Variants in PRKN observed in about 807,000 individuals in gnomAD.
The protein encoded by PRKN is parkin RBR E3 ubiquitin protein ligase.
In PRKN, 56 loss-of-function variants were observed where a neutral mutation model predicts 59.5. The ratio of observed to expected loss-of-function variants is 0.94; its 90% CI spans 0.76 to 1.18. PRKN has a LOEUF of 1.18. Ranked by LOEUF, PRKN falls within the 50% of genes most tolerant of loss-of-function variation. The pLI, the probability that PRKN is intolerant of heterozygous loss-of-function variation, is 0.00. For missense variants in PRKN, 657 were observed against 596.4 expected (o/e 1.10, Z -1.06); for synonymous variants, 250 against 222.1 (o/e 1.13, Z -1.12).
intron 7 of PRKN, among the ~76,000 whole-genome samples, chr6:161,762,445 T>C (rs944371714): frequency 1.3e-5 from 2 of 152,212 alleles, no homozygotes; most frequent in Admixed American, 6.5e-5. Context: ...ATGCAGAAGT[T>C]ACTTTCAAGC....
intron 1 of PRKN, among the ~76,000 whole-genome samples, chr6:162,650,147 G>T (rs549846800): frequency 6.6e-6 from 1 of 152,108 alleles, no homozygotes; most frequent in Admixed American, 6.5e-5. Context: ...AATATATACC[G>T]AAGTAGAAGC....
rs76342570 is a variant in PRKN, at chr6:161,818,076, G to A, written c.735-32168C>T. ...CAGACATGCATTTTATTACTCTGAC[G>A]GCACACAGCAACACAGAGTTATCAG... On this transcript the variant is annotated intron_variant, in intron 6 of 11. Transcript: ENST00000366898. 4.8e-3 allele frequency among the ~76,000 whole-genome samples: 731 copies of A among 152,206 alleles called. 3 individuals are homozygous for A. Among genetic ancestry groups the A allele is most frequent in the African/African-American group, 0.016 (683 of 41,532 alleles).
chr6:162,573,114 A>G (rs1389878607), intron 1 of PRKN, among the ~76,000 whole-genome samples: 1 of 152,140 alleles, frequency 6.6e-6, no homozygotes, highest in Non-Finnish European at 1.5e-5. Flanking sequence ...TGGGTGCTCC[A>G]TTTTCCATTT....
intron 1 of PRKN, among the ~76,000 whole-genome samples, chr6:162,472,473 T>TATATATATATATATATATATA (rs1562790180): frequency 1.2e-5 from 1 of 83,844 alleles, no homozygotes; most frequent in African/African-American, 3.7e-5. Context: ...TTTTATTTTA[T>TATATATATATATATATATATA]TTTATTTTAT....
chr6:162,098,840 G>C (rs1039968618), intron 4 of PRKN, among the ~76,000 whole-genome samples: 1 of 152,162 alleles, frequency 6.6e-6, no homozygotes, highest in Admixed American at 6.6e-5. Flanking sequence ...GCTCAGGAAA[G>C]AGAATGGTGT....
At chr6:162,646,221 A>C (rs1583974456) in intron 1 of PRKN, among the ~76,000 whole-genome samples, 1 of 151,760 alleles carries the variant, frequency 6.6e-6, no homozygotes, top group East Asian at 1.9e-4. Context: ...TCACACAAAG[A>C]AACCAAACAT....
At chr6:162,135,148 G>A (rs909484946) in intron 4 of PRKN, among the ~76,000 whole-genome samples, 1 of 151,764 alleles carries the variant, frequency 6.6e-6, no homozygotes, top group African/African-American at 2.4e-5. Context: ...TTGTTGTTTG[G>A]CTTTTACAGA....
At chr6:162,616,720 G>A (rs1489438892) in intron 1 of PRKN, among the ~76,000 whole-genome samples, 2 of 152,082 alleles carry the variant, frequency 1.3e-5, no homozygotes, top group East Asian at 1.9e-4. Context: ...GCAGGAGAAA[G>A]CCTTACATAA....
chr6:162,127,097 A>G (rs79843757), intron 4 of PRKN, among the ~76,000 whole-genome samples: 1,916 of 152,356 alleles, frequency 0.013, 46 homozygotes, highest in African/African-American at 0.044. Flanking sequence ...TAAAATGGAT[A>G]CTTATTCAAA....
At chr6:162,294,936 T>C (rs1248082030) in intron 2 of PRKN, among the ~76,000 whole-genome samples, 5 of 152,198 alleles carry the variant, frequency 3.3e-5, no homozygotes, top group Non-Finnish European at 7.3e-5. Context: ...GACCTGGATC[T>C]GGGTTGTGCT....
intron 4 of PRKN, among the ~76,000 whole-genome samples, chr6:162,136,102 G>T (rs998084219): frequency 2.7e-5 from 4 of 148,950 alleles, no homozygotes; most frequent in Admixed American, 1.3e-4. Context: ...ATGTATTTAT[G>T]TATATATAAA....
chr6:161,596,880 C>T (rs1042699726), intron 7 of PRKN, among the ~76,000 whole-genome samples: 2 of 152,166 alleles, frequency 1.3e-5, no homozygotes, highest in Admixed American at 6.5e-5. Flanking sequence ...TTCCATGTCT[C>T]GGCAGCAGGG....
At chr6:162,389,068 A>G (rs1043147618) in intron 2 of PRKN, among the ~76,000 whole-genome samples, 2 of 151,198 alleles carry the variant, frequency 1.3e-5, no homozygotes, top group Non-Finnish European at 2.9e-5. Context: ...TATGTAAATG[A>G]GGAGAAAGTA....
chr6:161,660,725 T>C (rs1306252128), intron 7 of PRKN, among the ~76,000 whole-genome samples: 1 of 152,218 alleles, frequency 6.6e-6, no homozygotes, highest in Non-Finnish European at 1.5e-5. Context: ...GGCTCAGGTT[T>C]AGACCCTGCC....
intron 7 of PRKN, among the ~76,000 whole-genome samples, chr6:161,750,768 C>CAAA (rs112951182): frequency 1.9e-5 from 2 of 106,228 alleles, no homozygotes; most frequent in Admixed American, 1.0e-4. Flanking sequence ...ACTCTTGTCT[C>CAAA]AAAAAAAAAA....
At chr6:161,605,966 C>T (rs1583283895) in intron 7 of PRKN, among the ~76,000 whole-genome samples, 1 of 152,258 alleles carries the variant, frequency 6.6e-6, no homozygotes, top group Middle Eastern at 3.4e-3. Context: ...CCAAGAGTTT[C>T]CTCAGGAACC....
intron 4 of PRKN, among the ~76,000 whole-genome samples, chr6:162,080,448 A>G (rs1476126758): frequency 1.3e-5 from 2 of 152,136 alleles, no homozygotes; most frequent in Non-Finnish European, 2.9e-5. Context: ...GATCACTGCA[A>G]TAAAGCAGAT....
chr6:161,972,489 C>T (rs1780856082), intron 6 of PRKN, among the ~76,000 whole-genome samples: 1 of 152,166 alleles, frequency 6.6e-6, no homozygotes, highest in South Asian at 2.1e-4. Context: ...GGCTCCTACA[C>T]CGCAATTCGT....
chr6:162,511,191 T>A (rs1273211010), intron 1 of PRKN, among the ~76,000 whole-genome samples: 1 of 152,140 alleles, frequency 6.6e-6, no homozygotes, highest in Non-Finnish European at 1.5e-5. Flanking sequence ...GTCTGCCTAA[T>A]TTAATATTAC....
Sources: allele counts gnomAD v4.1 joint callset (sites outside exome capture counted in the v4.1 genomes callset), GRCh38; gene constraint gnomAD v4.1.1; transcripts MANE v1.5; gene names NCBI Gene and HGNC (gene_info 2026-07-23, HGNC 2026-07-21).